The following ZNF148 variants were observed in gnomAD, a reference collection of about 807,000 sequenced individuals.
ZNF148 encodes zinc finger protein 148.
Under a neutral mutation model 67.7 loss-of-function variants are expected in ZNF148, and 7 were observed. The observed-to-expected ratio is 0.10, with a 90% confidence interval of 0.06 to 0.19. The LOEUF is 0.19. Ranked by LOEUF, ZNF148 falls within the 10% of genes least tolerant of loss-of-function variation. ZNF148 has a pLI of 1.00. For missense variants in ZNF148, 583 were observed against 947.1 expected (o/e 0.62, Z 5.05); for synonymous variants, 333 against 330.7 (o/e 1.01, Z -0.08).
chr3:125,354,939 T>C (rs1411489945), intron 1 of ZNF148, among the ~76,000 whole-genome samples: 3 of 152,168 alleles, frequency 2.0e-5, no homozygotes, highest in Non-Finnish European at 4.4e-5. Context: ...TAAATTTATC[T>C]GTATCAAGCA....
At chr3:125,342,002 G>A (rs1021682043) in intron 1 of ZNF148, among the ~76,000 whole-genome samples, 2 of 149,978 alleles carry the variant, frequency 1.3e-5, no homozygotes, top group African/African-American at 2.4e-5. Flanking sequence ...TTCGGGGCGG[G>A]GGGGGGAATG....
Position 125,231,525 on chromosome 3 carries a change from G to C in ZNF148, c.*816C>G, listed in dbSNP as rs991708734. The stretch of plus-strand genomic sequence containing the variant: ...TATGTTCTTGGGAATGTAATCTACA[G>C]AATTTCTTTTACTAAAACTTCAAAA... On this transcript the variant is annotated 3_prime_UTR_variant, in exon 9 of 9. Transcript: ENST00000360647. The C allele has an allele frequency of 6.6e-6, 1 of 152,474 alleles. No individual in the cohort carries two copies. The highest frequency in any genetic ancestry group is 1.5e-5 in the Non-Finnish European group (1 of 67,946). 9.4% of individuals were successfully genotyped at this position (152,474 alleles called of 1,614,324 possible).
At chr3:125,298,942 A>G (rs1342001207) in intron 4 of ZNF148, among the ~76,000 whole-genome samples, 1 of 152,148 alleles carries the variant, frequency 6.6e-6, no homozygotes, top group African/African-American at 2.4e-5. Flanking sequence ...TATGTATTAT[A>G]TATCCAAAAT....
At chr3:125,236,116 A>G (rs1410771123) in intron 7 of ZNF148, among the ~76,000 whole-genome samples, 2 of 151,896 alleles carry the variant, frequency 1.3e-5, no homozygotes, top group South Asian at 2.1e-4. Flanking sequence ...AGAAATAATT[A>G]TATTTAATTA....
intron 7 of ZNF148, among the ~76,000 whole-genome samples, chr3:125,243,339 G>T (rs73195435): frequency 0.29 from 43,578 of 152,038 alleles, 6,574 homozygotes; most frequent in Middle Eastern, 0.42. Context: ...CTATTTTAAT[G>T]AATTTACTTA....
At chr3:125,363,756 T>C (rs1217504660) in intron 1 of ZNF148, among the ~76,000 whole-genome samples, 1 of 151,912 alleles carries the variant, frequency 6.6e-6, no homozygotes, top group Non-Finnish European at 1.5e-5. Flanking sequence ...TTCAAGTCAT[T>C]CTCCTGCCTC....
chr3:125,335,901 G>C lies in ZNF148; in HGVS notation c.-233-4663C>G, dbSNP rs535193329. 2.0e-5 allele frequency among the ~76,000 whole-genome samples: 3 copies of C among 152,292 alleles called. No homozygotes were observed. In the South Asian group the frequency reaches 6.2e-4, roughly 32 times the overall value. ...TGCCTAGAAAAGTAAGATTGCTAAA[G>C]ATGAAGTTTTATGAATTAACGTAGC... On this transcript the variant is annotated intron_variant, in intron 1 of 8. Transcript: ENST00000360647.
intron 1 of ZNF148, among the ~76,000 whole-genome samples, chr3:125,370,423 G>A (rs1392309312): frequency 6.6e-6 from 1 of 152,154 alleles, no homozygotes; most frequent in African/African-American, 2.4e-5. Flanking sequence ...TCATTCAACA[G>A]GTATTTATTA....
At chr3:125,356,035 A>G (rs1357462278) in intron 1 of ZNF148, among the ~76,000 whole-genome samples, 1 of 152,192 alleles carries the variant, frequency 6.6e-6, no homozygotes, top group Non-Finnish European at 1.5e-5. Context: ...GAACACTCGC[A>G]TGAAAAATAT....
In ZNF148 at chr3:125,228,138, T is replaced by A. The variant is rs1935712052; in HGVS notation, c.*4203A>T. On this transcript the variant is annotated 3_prime_UTR_variant, in exon 9 of 9. Coordinates refer to ENST00000360647, the MANE Select transcript of ZNF148 (RefSeq NM_021964.3). ...ATGGAGCTGAAGTCACCTCAAAACT[T>A]ACGGGCTTGAATCTAAAACAGAAAC... 1 of 152,610 alleles carries A rather than the reference T, an allele frequency of 6.6e-6. No homozygotes were observed. Among genetic ancestry groups the A allele is most frequent in the Admixed American group, 6.6e-5 (1 of 15,262 alleles). The allele number at this position is 152,610 out of a possible 1,614,324, so 9.5% of individuals were successfully genotyped here.
chr3:125,305,511 G>A (rs972083750), intron 4 of ZNF148, among the ~76,000 whole-genome samples: 78 of 152,078 alleles, frequency 5.1e-4, no homozygotes, highest in African/African-American at 1.8e-3. Flanking sequence ...ACATAAAAGA[G>A]TTAAAGAATA....
At chr3:125,314,062 T>C (rs1940366425) in intron 3 of ZNF148, among the ~76,000 whole-genome samples, 1 of 152,022 alleles carries the variant, frequency 6.6e-6, no homozygotes, top group South Asian at 2.1e-4. Flanking sequence ...TTTAAAAATT[T>C]AGAAATAGTC....
At chr3:125,276,448 T>A (rs1460447896) in intron 7 of ZNF148, among the ~76,000 whole-genome samples, 2 of 152,062 alleles carry the variant, frequency 1.3e-5, no homozygotes, top group Non-Finnish European at 2.9e-5. Flanking sequence ...TTTATTTATT[T>A]TTGAGACGGA....
chr3:125,333,098 C>T (rs1941354359), intron 1 of ZNF148, among the ~76,000 whole-genome samples: 1 of 152,138 alleles, frequency 6.6e-6, no homozygotes, highest in Non-Finnish European at 1.5e-5. Flanking sequence ...TTACACATCT[C>T]ATCATGAGCT....
At chr3:125,287,369 T>C (rs984083154) in intron 5 of ZNF148, among the ~76,000 whole-genome samples, 1 of 152,190 alleles carries the variant, frequency 6.6e-6, no homozygotes, top group Admixed American at 6.5e-5. Flanking sequence ...CCAGGAGTGG[T>C]GGCTCACGCC....
intron 7 of ZNF148, among the ~76,000 whole-genome samples, chr3:125,256,792 A>G (rs1937099593): frequency 6.6e-6 from 1 of 152,210 alleles, no homozygotes; most frequent in Non-Finnish European, 1.5e-5. Flanking sequence ...GAAGTGAGGA[A>G]TCCCAGTAAA....
intron 1 of ZNF148, among the ~76,000 whole-genome samples, chr3:125,352,865 T>C (rs1421240469): frequency 6.6e-6 from 1 of 152,140 alleles, no homozygotes; most frequent in Non-Finnish European, 1.5e-5. Flanking sequence ...TAAGACTCAC[T>C]ATAAAGCTAT....
intron 7 of ZNF148, among the ~76,000 whole-genome samples, chr3:125,268,428 T>C (rs115450310): frequency 0.014 from 2,096 of 152,112 alleles, 24 homozygotes; most frequent in Non-Finnish European, 0.023. Flanking sequence ...CCAATTGATA[T>C]TCAAGAAAGT....
At chr3:125,289,927 A>G (rs1006102608) in intron 4 of ZNF148, among the ~76,000 whole-genome samples, 2 of 152,166 alleles carry the variant, frequency 1.3e-5, no homozygotes, top group Non-Finnish European at 2.9e-5. Flanking sequence ...CATATATGGA[A>G]AGTGATTATA....
Sources: gnomAD v4.1 joint callset for allele counts (sites outside exome capture counted in the v4.1 genomes callset) on GRCh38, gnomAD v4.1.1 for gene constraint, MANE v1.5 for transcripts, NCBI Gene and HGNC (gene_info 2026-07-23, HGNC 2026-07-21) for gene names.